The following KIAA0319L variants were observed in gnomAD, a reference collection of about 807,000 sequenced individuals.
KIAA0319L encodes dyslexia-associated protein KIAA0319-like protein.
In KIAA0319L, 55 loss-of-function variants were observed where a neutral mutation model predicts 120.1. That is an observed-to-expected ratio of 0.46 (90% CI 0.37 to 0.57). The LOEUF (loss-of-function observed/expected upper bound fraction) is 0.57. Among genes scored for constraint, KIAA0319L ranks in the 20% least tolerant of loss-of-function variants. The probability of loss-of-function intolerance (pLI) is 0.00; values close to 1 mark genes in which losing one functional copy is unlikely to be tolerated. For missense variants in KIAA0319L, 1,049 were observed against 1,255.3 expected (o/e 0.84, Z 2.48); for synonymous variants, 398 against 471.9 (o/e 0.84, Z 2.03).
At chr1:35,556,816 A>T (rs1168854193) in intron 1 of KIAA0319L, 2 of 151,988 alleles carry the variant, frequency 1.3e-5, no homozygotes, top group Non-Finnish European at 2.9e-5. Flanking sequence ...TAATGGACAC[A>T]TCGTGCTCAA....
chr1:35,555,687 C>T (rs1178748935), intron 1 of KIAA0319L, among the ~76,000 whole-genome samples: 6 of 152,134 alleles, frequency 3.9e-5, no homozygotes, highest in Admixed American at 2.0e-4. Flanking sequence ...TCTAGCCTCC[C>T]AAGAGGGAAC....
At chr1:35,496,338 TA>T (rs1421711137) in intron 3 of KIAA0319L, among the ~76,000 whole-genome samples, 2 of 152,148 alleles carry the variant, frequency 1.3e-5, no homozygotes, top group Non-Finnish European at 2.9e-5. Context: ...GAGAATCTCT[TA>T]AACCCAGGAA....
At position 35,534,858 on chromosome 1, in the gene KIAA0319L, C is replaced by CAAA. The variant is rs779838672; in HGVS notation, c.142+19489_142+19491dup. ...TGGGTGACAGAGCGAGACTCCGTCTCAAAAAAAAAAAAAAAAAAAAAAAAA... is the reference window on the plus strand; with the variant it reads ...TGGGTGACAGAGCGAGACTCCGTCTCAAAAAAAAAAAAAAAAAAAAAAAAAAAA... On this transcript the variant is annotated intron_variant, in intron 2 of 20. Coordinates refer to ENST00000325722, the MANE Select transcript of KIAA0319L (RefSeq NM_024874.5). Among the ~76,000 whole-genome samples the CAAA allele has an allele frequency of 3.7e-3, 158 of 42,608 alleles. 1 individual carries two copies. The highest frequency in any genetic ancestry group is 5.8e-3 in the Non-Finnish European group (105 of 18,254). The allele number at this position is 42,608 out of a possible 152,430, so 28.0% of individuals were successfully genotyped here. A position where few individuals can be genotyped will look rare whatever the true frequency, so the allele number is the denominator to read the frequency against.
intron 1 of KIAA0319L, among the ~76,000 whole-genome samples, chr1:35,555,172 A>G (rs1472534583): frequency 6.6e-6 from 1 of 152,174 alleles, no homozygotes; most frequent in Admixed American, 6.5e-5. Flanking sequence ...GGTCTCTTCC[A>G]GCAGAAAAAC....
At chr1:35,441,573 T>C (rs1641220572) in intron 19 of KIAA0319L, among the ~76,000 whole-genome samples, 1 of 152,176 alleles carries the variant, frequency 6.6e-6, no homozygotes, top group Non-Finnish European at 1.5e-5. Context: ...GCTCTGTCAC[T>C]ATCAACTGGT....
intron 20 of KIAA0319L, chr1:35,439,471 C>T (rs1641041448): frequency 6.6e-6 from 1 of 152,264 alleles, no homozygotes; most frequent in South Asian, 2.1e-4. Flanking sequence ...AGTGGTCCCG[C>T]TCCATATCCA....
intron 2 of KIAA0319L, among the ~76,000 whole-genome samples, chr1:35,541,153 A>G (rs1646772737): frequency 6.6e-6 from 1 of 151,760 alleles, no homozygotes; most frequent in Admixed American, 6.6e-5. Flanking sequence ...TGTTGTCCAG[A>G]CTGGTCTCAA....
intron 2 of KIAA0319L, among the ~76,000 whole-genome samples, chr1:35,530,981 C>T (rs1646343669): frequency 6.6e-6 from 1 of 152,118 alleles, no homozygotes; most frequent in Non-Finnish European, 1.5e-5. Context: ...CCTCAGGGTG[C>T]GTGAAAGTGT....
intron 8 of KIAA0319L, among the ~76,000 whole-genome samples, chr1:35,461,531 T>C (rs988984718): frequency 2.6e-5 from 4 of 152,218 alleles, no homozygotes; most frequent in African/African-American, 9.6e-5. Context: ...ACATATAATG[T>C]GCTTTCATTT....
At chr1:35,513,264 T>C (rs1315983792) in intron 2 of KIAA0319L, among the ~76,000 whole-genome samples, 2 of 133,842 alleles carry the variant, frequency 1.5e-5, no homozygotes, top group East Asian at 2.2e-4. Flanking sequence ...CATATCTATA[T>C]AACATATATA....
At chr1:35,477,835 C>T (rs1447296021) in intron 4 of KIAA0319L, among the ~76,000 whole-genome samples, 10 of 152,110 alleles carry the variant, frequency 6.6e-5, no homozygotes, top group Admixed American at 2.6e-4. Flanking sequence ...CTATGGAGAA[C>T]AGTTTGGAGG....
chr1:35,534,581 C>T (rs578077107), intron 2 of KIAA0319L, among the ~76,000 whole-genome samples: 139 of 152,178 alleles, frequency 9.1e-4, no homozygotes, highest in Middle Eastern at 3.4e-3. Context: ...AATCGGTGGC[C>T]GGGCGCAGTG....
At chr1:35,447,880 G>A (rs781625072) in intron 16 of KIAA0319L, among the ~76,000 whole-genome samples, 6 of 152,040 alleles carry the variant, frequency 3.9e-5, no homozygotes, top group Non-Finnish European at 5.9e-5. Flanking sequence ...CCACAATGCC[G>A]CTTGTTGTAC....
chr1:35,440,883 C>A lies in KIAA0319L; in HGVS notation c.2962+164G>T, dbSNP rs77453248. On this transcript the variant is annotated intron_variant, in intron 20 of 20. Transcript: ENST00000325722. ...GGTCCTGGAGGCATTTTGTCCAGTG[C>A]AGCTCAGGGCAAATCTGACCCTCAG... 4,786 of 690,288 alleles carry A rather than the reference C, an allele frequency of 6.9e-3. 160 individuals carry two copies. In the African/African-American group the frequency reaches 0.075, roughly 11 times the overall value. 42.8% of individuals were successfully genotyped at this position (690,288 alleles called of 1,614,324 possible).
chr1:35,436,137 TCA>T (rs1417902185), intron 20 of KIAA0319L, among the ~76,000 whole-genome samples: 3 of 152,100 alleles, frequency 2.0e-5, no homozygotes, highest in African/African-American at 7.2e-5. Flanking sequence ...CAGATCTCCC[TCA>T]CATACTGAAA....
At chr1:35,500,651 C>T (rs1644972327) in intron 3 of KIAA0319L, among the ~76,000 whole-genome samples, 1 of 152,202 alleles carries the variant, frequency 6.6e-6, no homozygotes, top group African/African-American at 2.4e-5. Context: ...GCTTGACCTA[C>T]CTTAGTGAAA....
intron 2 of KIAA0319L, among the ~76,000 whole-genome samples, chr1:35,513,286 ATATTTTTT>A (rs1182668881): frequency 1.8e-4 from 18 of 102,750 alleles, no homozygotes; most frequent in African/African-American, 4.0e-4. Context: ...ATATATATAT[ATATTTTTT>A]TTTTTTTTTT....
At chr1:35,520,125 C>T (rs1187245011) in intron 2 of KIAA0319L, among the ~76,000 whole-genome samples, 7 of 150,424 alleles carry the variant, frequency 4.7e-5, no homozygotes, top group Admixed American at 1.3e-4. Context: ...TTTTTTGAGA[C>T]GGAGTCTCAC....
In KIAA0319L at chr1:35,462,682, A is replaced by C; in HGVS notation, c.1233T>G (p.Ile411Met). Residue 411 changes from isoleucine (I) to methionine (M), a missense_variant, in exon 8 of 21, where the codon ATT (isoleucine) becomes ATG (methionine). Ile to Met is a conservative substitution (Grantham distance 10). Coordinates refer to ENST00000325722, the MANE Select transcript of KIAA0319L (RefSeq NM_024874.5). ...AGATCTCCTGGAACTGAGGTGACAC[A>C]ATAGCAATGGGGGGCCGATTCTTAC... is the stretch of plus-strand genomic sequence containing the variant. ...EPRKNRPPIAIVSPQFQEISL... is the reference protein window; with the variant it reads ...EPRKNRPPIAMVSPQFQEISL... 6.2e-7 allele frequency: 1 copy of C among 1,614,178 alleles called. No individual in the cohort carries two copies. Among genetic ancestry groups the C allele is most frequent in the Non-Finnish European group, 8.5e-7 (1 of 1,179,986 alleles).
Sources: gnomAD v4.1 joint callset for allele counts (sites outside exome capture counted in the v4.1 genomes callset) on GRCh38, gnomAD v4.1.1 for gene constraint, MANE v1.5 for transcripts, NCBI Gene and HGNC (gene_info 2026-07-23, HGNC 2026-07-21) for gene names.